PPM1E: variants seen among roughly 807,000 people sequenced by gnomAD.
PPM1E encodes protein phosphatase 1E.
PPM1E carries 20 observed loss-of-function variants against 65.9 expected under a neutral mutation model. That is an observed-to-expected ratio of 0.30 (90% CI 0.21 to 0.44). The LOEUF is 0.44. Ranked by LOEUF, PPM1E falls within the 20% of genes least tolerant of loss-of-function variation. PPM1E has a pLI of 1.00. For synonymous variants in PPM1E, 352 were observed against 374.9 expected (o/e 0.94, Z 0.70); for missense variants, 713 against 953.1 (o/e 0.75, Z 3.32).
At chr17:58,922,828 G>A (rs1598651691) in intron 1 of PPM1E, among the ~76,000 whole-genome samples, 1 of 151,682 alleles carries the variant, frequency 6.6e-6, no homozygotes, top group Non-Finnish European at 1.5e-5. Context: ...AGGACTACAG[G>A]TGCATACCAC....
chr17:58,915,955 T>C (rs2051678602), intron 1 of PPM1E, among the ~76,000 whole-genome samples: 1 of 152,170 alleles, frequency 6.6e-6, no homozygotes, highest in African/African-American at 2.4e-5. Flanking sequence ...CATCTTTACC[T>C]ATGTCTACTA....
At chr17:58,960,810 G>C (rs2030009158) in intron 2 of PPM1E, among the ~76,000 whole-genome samples, 1 of 150,820 alleles carries the variant, frequency 6.6e-6, no homozygotes, top group African/African-American at 2.4e-5. Flanking sequence ...AGCAAAGTCT[G>C]ATTAAAAATG....
intron 1 of PPM1E, among the ~76,000 whole-genome samples, chr17:58,795,796 A>G (rs1430547607): frequency 6.6e-6 from 1 of 152,128 alleles, no homozygotes; most frequent in Non-Finnish European, 1.5e-5. Flanking sequence ...AGTGATGTTG[A>G]GTATTTTTTC....
At chr17:58,886,272 T>A (rs1333031745) in intron 1 of PPM1E, among the ~76,000 whole-genome samples, 1 of 152,232 alleles carries the variant, frequency 6.6e-6, no homozygotes. Flanking sequence ...ATCAGATGAA[T>A]GTTATTTTAA....
chr17:58,812,144 G>C (rs750402723), intron 1 of PPM1E, among the ~76,000 whole-genome samples: 11 of 151,164 alleles, frequency 7.3e-5, no homozygotes, highest in Non-Finnish European at 1.2e-4. Flanking sequence ...AATAAGAATA[G>C]GGATTTCTAA....
chr17:58,761,539 C>A (rs985169825), intron 1 of PPM1E, among the ~76,000 whole-genome samples: 1 of 152,198 alleles, frequency 6.6e-6, no homozygotes, highest in African/African-American at 2.4e-5. Context: ...TAATGTATTT[C>A]TTTGAAGGTA....
rs140710989 is a variant in PPM1E, at chr17:58,838,089, T to A, written c.464+81628T>A. Among the ~76,000 whole-genome samples the A allele has an allele frequency of 3.5e-4, 53 of 152,340 alleles. 1 individual carries two copies. The East Asian group carries it at 0.01, about 29-fold the overall frequency. ...ACATAAATGTAAAATGCATAACTTATAAGACTTCTAGAAGATAACATAGGA... is the reference window on the plus strand; with the variant it reads ...ACATAAATGTAAAATGCATAACTTAAAAGACTTCTAGAAGATAACATAGGA... On this transcript the variant is annotated intron_variant, in intron 1 of 6. Coordinates refer to ENST00000308249, the MANE Select transcript of PPM1E (RefSeq NM_014906.5).
At chr17:58,818,307 G>A (rs984751757) in intron 1 of PPM1E, among the ~76,000 whole-genome samples, 2 of 152,124 alleles carry the variant, frequency 1.3e-5, no homozygotes, top group Non-Finnish European at 2.9e-5. Flanking sequence ...TAACAGAGAG[G>A]TTAAATAAGT....
At chr17:58,784,477 A>G (rs1315627524) in intron 1 of PPM1E, among the ~76,000 whole-genome samples, 1 of 150,554 alleles carries the variant, frequency 6.6e-6, no homozygotes. Flanking sequence ...TATTCATTCA[A>G]ATCCTTTACC....
At chr17:58,916,326 T>C (rs567254962) in intron 1 of PPM1E, among the ~76,000 whole-genome samples, 1 of 152,224 alleles carries the variant, frequency 6.6e-6, no homozygotes, top group Non-Finnish European at 1.5e-5. Flanking sequence ...AGGATAGAGG[T>C]AGAATTTTCT....
chr17:58,926,762 A>G (rs1015677775), intron 1 of PPM1E, among the ~76,000 whole-genome samples: 5 of 152,172 alleles, frequency 3.3e-5, no homozygotes, highest in South Asian at 2.1e-4. Context: ...AACAAAACCA[A>G]TTAGCTATTG....
intron 1 of PPM1E, among the ~76,000 whole-genome samples, chr17:58,953,746 CTT>C (rs71145508): frequency 2.2e-5 from 3 of 138,164 alleles, no homozygotes; most frequent in African/African-American, 2.7e-5. Flanking sequence ...ATATTTCCAT[CTT>C]TTTTTTTTTT....
intron 1 of PPM1E, among the ~76,000 whole-genome samples, chr17:58,810,602 A>G (rs893908725): frequency 1.3e-5 from 2 of 152,198 alleles, no homozygotes; most frequent in African/African-American, 2.4e-5. Flanking sequence ...CCGTCAGCCT[A>G]ATCATTCAGT....
chr17:58,758,509 CAG>C (rs1257719064), intron 1 of PPM1E, among the ~76,000 whole-genome samples: 1 of 141,534 alleles, frequency 7.1e-6, no homozygotes, highest in Non-Finnish European at 1.5e-5. Context: ...GCCTGGGTGA[CAG>C]AGCAAGACTC....
In PPM1E at chr17:58,979,997, A is replaced by G. The variant is rs1158334219; in HGVS notation, c.1234A>G (p.Ile412Val). 6.2e-7 allele frequency: 1 copy of G among 1,613,944 alleles called. No individual in the cohort carries two copies. Among genetic ancestry groups the G allele is most frequent in the Non-Finnish European group, 8.5e-7 (1 of 1,179,910 alleles). The stretch of plus-strand genomic sequence containing the variant: ...AGGAGATGCTGAACATAAGCCATAT[A>G]TCTGTGGGGATGCAGATTCTGCCTC... ...AIGDAEHKPY[I>V]CGDADSASTV... Residue 412 changes from isoleucine (I) to valine (V), a missense_variant, in exon 7 of 7, where the codon ATC becomes GTC. This residue lies in a region of PPM1E where 88 missense variants were observed against 231.1 expected (regional missense o/e 0.38). Coordinates refer to ENST00000308249, the MANE Select transcript of PPM1E (RefSeq NM_014906.5).
intron 1 of PPM1E, among the ~76,000 whole-genome samples, chr17:58,891,838 T>TC (rs1349367918): frequency 2.9e-5 from 4 of 135,768 alleles, no homozygotes; most frequent in East Asian, 2.1e-4. Context: ...TTTTCTTTTT[T>TC]TTTTTTTTTT....
chr17:58,763,548 G>T (rs899103884), intron 1 of PPM1E, among the ~76,000 whole-genome samples: 2 of 152,110 alleles, frequency 1.3e-5, no homozygotes, highest in Admixed American at 6.6e-5. Flanking sequence ...GGTGGCTCCT[G>T]CCCTACAGAT....
intron 1 of PPM1E, among the ~76,000 whole-genome samples, chr17:58,820,867 T>C (rs941172401): frequency 2.0e-5 from 3 of 152,140 alleles, no homozygotes; most frequent in Non-Finnish European, 4.4e-5. Context: ...CTACTAATTT[T>C]AGACAAACAG....
chr17:58,923,776 A>C (rs1282481545), intron 1 of PPM1E, among the ~76,000 whole-genome samples: 1 of 150,902 alleles, frequency 6.6e-6, no homozygotes, highest in Admixed American at 6.6e-5. Context: ...TCATTTGGAC[A>C]TGGTGGCTTG....
Sources: allele counts gnomAD v4.1 joint callset (sites outside exome capture counted in the v4.1 genomes callset), GRCh38; gene constraint gnomAD v4.1.1; regional missense constraint gnomAD v4.1.1; transcripts MANE v1.5; gene names NCBI Gene and HGNC (gene_info 2026-07-23, HGNC 2026-07-21).